Variants in SORCS3 observed in about 807,000 individuals in gnomAD.
SORCS3 encodes the protein VPS10 domain-containing receptor SorCS3.
A neutral mutation model predicts 146.3 loss-of-function variants in SORCS3; 57 were observed. The ratio of observed to expected loss-of-function variants is 0.39; its 90% CI spans 0.31 to 0.49. The LOEUF (loss-of-function observed/expected upper bound fraction) is 0.49. Among genes scored for constraint, SORCS3 ranks in the 20% least tolerant of loss-of-function variants. The probability of loss-of-function intolerance (pLI) is 0.92; values close to 1 mark genes in which losing one functional copy is unlikely to be tolerated. For synonymous variants in SORCS3, 653 were observed against 618.5 expected, an observed-to-expected ratio of 1.06 and a Z score of -0.83; for missense variants, 1,341 against 1,575.5, an observed-to-expected ratio of 0.85 and a Z score of 2.52.
intron 2 of SORCS3, among the ~76,000 whole-genome samples, chr10:104,875,082 C>T (rs750837233): frequency 3.9e-5 from 6 of 152,082 alleles, no homozygotes; most frequent in East Asian, 1.9e-4. Context: ...TTACTCTCCT[C>T]GAGTCACATG....
chr10:104,787,669 G>T (rs947006128), intron 1 of SORCS3, among the ~76,000 whole-genome samples: 4 of 152,156 alleles, frequency 2.6e-5, no homozygotes, highest in Non-Finnish European at 5.9e-5. Flanking sequence ...GTTCTCCCAT[G>T]AAAAGGGACA....
At chr10:104,667,896 G>A (rs1326761586) in intron 1 of SORCS3, among the ~76,000 whole-genome samples, 1 of 152,226 alleles carries the variant, frequency 6.6e-6, no homozygotes, top group Non-Finnish European at 1.5e-5. Context: ...GGGAGCTGCT[G>A]TGCTGGTGCC....
chr10:104,692,775 G>C (rs966820476), intron 1 of SORCS3, among the ~76,000 whole-genome samples: 1 of 152,160 alleles, frequency 6.6e-6, no homozygotes, highest in Admixed American at 6.5e-5. Flanking sequence ...TGGTGGTCTA[G>C]GCTATAAAGA....
At chr10:104,989,205 T>C (rs930013732) in intron 4 of SORCS3, among the ~76,000 whole-genome samples, 1 of 152,230 alleles carries the variant, frequency 6.6e-6, no homozygotes, top group Non-Finnish European at 1.5e-5. Context: ...GTGCACTTGG[T>C]AATTTTTATA....
chr10:105,033,511 C>T (rs2055284356), intron 4 of SORCS3, among the ~76,000 whole-genome samples: 1 of 152,138 alleles, frequency 6.6e-6, no homozygotes, highest in African/African-American at 2.4e-5. Flanking sequence ...GTGGCAGTTT[C>T]TATGGGGAGA....
intron 7 of SORCS3, among the ~76,000 whole-genome samples, chr10:105,117,348 C>T (rs1210729871): frequency 6.6e-6 from 1 of 152,154 alleles, no homozygotes; most frequent in Admixed American, 6.5e-5. Context: ...TCTTGAATGA[C>T]TCTCAAATAT....
rs760891017 is a variant in SORCS3 at position 105,200,031 on chromosome 10, G to A, written c.2042G>A (p.Trp681Ter). Residue 681 changes from tryptophan to a stop codon, truncating the protein, a stop_gained, in exon 15 of 27, where the codon TGG becomes TAG. Coordinates refer to ENST00000369701, the MANE Select transcript of SORCS3 (RefSeq NM_014978.3). LOFTEE classifies it high-confidence loss of function. ...VFGHFSLRSEWQLVKVDYKSI... is the reference protein window; with the variant it reads ...VFGHFSLRSE Reference sequence around the variant, plus strand: ...GGCCACTTCAGCCTCCGCTCCGAATGGCAATTGGTGAAAGTGGACTACAAA... The same window carrying A: ...GGCCACTTCAGCCTCCGCTCCGAATAGCAATTGGTGAAAGTGGACTACAAA... The A allele has an allele frequency of 1.2e-6, 2 of 1,613,660 alleles. No homozygotes were observed. The highest frequency in any genetic ancestry group is 1.3e-5 in the African/African-American group (1 of 74,978).
intron 4 of SORCS3, among the ~76,000 whole-genome samples, chr10:104,985,073 G>A (rs952303982): frequency 6.6e-6 from 1 of 152,004 alleles, no homozygotes; most frequent in Non-Finnish European, 1.5e-5. Context: ...ACAACTCTTC[G>A]TTTCAGGAAA....
At chr10:104,962,230 A>G (rs2054800468) in intron 3 of SORCS3, among the ~76,000 whole-genome samples, 1 of 152,034 alleles carries the variant, frequency 6.6e-6, no homozygotes, top group South Asian at 2.1e-4. Flanking sequence ...GGCATGGGCA[A>G]AGATAGGAAT....
chr10:105,128,178 A>G (rs2133770247), intron 7 of SORCS3, among the ~76,000 whole-genome samples: 1 of 152,276 alleles, frequency 6.6e-6, no homozygotes. Flanking sequence ...GCCCTCCAAC[A>G]ATGTTGCTTG....
rs552005652 is a variant in SORCS3, at chr10:105,157,085, ACCAAAGGCATG to A, written c.1483-52_1483-42del. ...CGGCTTCTCTAAGGGCTTCTCCAAG[ACCAAAGGCATG>A]TTGGCCCAGCATGGTTCTCCATCTC... On this transcript the variant is annotated intron_variant, in intron 9 of 26. Coordinates refer to ENST00000369701, the MANE Select transcript of SORCS3 (RefSeq NM_014978.3). 893 of 1,601,206 alleles carry A rather than the reference ACCAAAGGCATG, an allele frequency of 5.6e-4. 6 individuals carry two copies. In the African/African-American group the frequency reaches 0.011, roughly 19 times the overall value.
intron 4 of SORCS3, among the ~76,000 whole-genome samples, chr10:105,008,273 G>A (rs975540417): frequency 2.0e-5 from 3 of 152,272 alleles, no homozygotes; most frequent in East Asian, 1.9e-4. Flanking sequence ...GGAATCCCTA[G>A]TAGTCATCCT....
At chr10:104,655,974 G>A (rs2015625067) in intron 1 of SORCS3, among the ~76,000 whole-genome samples, 1 of 152,176 alleles carries the variant, frequency 6.6e-6, no homozygotes, top group Admixed American at 6.5e-5. Context: ...TTATAGCAAT[G>A]TGAGAATGGA....
chr10:104,686,203 G>C (rs1264723038), intron 1 of SORCS3, among the ~76,000 whole-genome samples: 14 of 152,196 alleles, frequency 9.2e-5, no homozygotes, highest in African/African-American at 3.1e-4. Context: ...TTCTTTGGAA[G>C]TGAGGCTCTG....
At chr10:104,968,336 G>T (rs2056447) in intron 3 of SORCS3, among the ~76,000 whole-genome samples, 272 of 152,230 alleles carry the variant, frequency 1.8e-3, no homozygotes, top group Non-Finnish European at 2.7e-3. Flanking sequence ...GGCTGGTCTC[G>T]AACTCCTGAC....
intron 1 of SORCS3, among the ~76,000 whole-genome samples, chr10:104,663,010 C>G (rs2015721730): frequency 6.6e-6 from 1 of 152,192 alleles, no homozygotes; most frequent in Non-Finnish European, 1.5e-5. Context: ...TGGAGTCAGT[C>G]AGCAACTTGT....
intron 5 of SORCS3, among the ~76,000 whole-genome samples, chr10:105,077,777 C>T (rs936853208): frequency 6.6e-6 from 1 of 152,178 alleles, no homozygotes; most frequent in African/African-American, 2.4e-5. Context: ...GAAAAGAATT[C>T]TTTGATGCAG....
chr10:105,182,127 CA>C (rs1217065987), intron 14 of SORCS3, among the ~76,000 whole-genome samples: 1 of 151,632 alleles, frequency 6.6e-6, no homozygotes, highest in African/African-American at 2.4e-5. Context: ...AGAGATCAGA[CA>C]CTTCTTACCA....
chr10:105,045,040 A>G (rs1482020355), intron 5 of SORCS3, among the ~76,000 whole-genome samples: 1 of 149,880 alleles, frequency 6.7e-6, no homozygotes, highest in East Asian at 1.9e-4. Flanking sequence ...AAAAAAAAAA[A>G]AGAAAGAAAG....
Sources: allele counts gnomAD v4.1 joint callset (sites outside exome capture counted in the v4.1 genomes callset), GRCh38; gene constraint gnomAD v4.1.1; transcripts MANE v1.5; gene names NCBI Gene and HGNC (gene_info 2026-07-23, HGNC 2026-07-21).